Variants in TMEM120B observed in about 807,000 individuals in gnomAD.
TMEM120B encodes the protein transmembrane protein 120B.
A neutral mutation model predicts 55.5 loss-of-function variants in TMEM120B; 31 were observed. That is an observed-to-expected ratio of 0.56 (90% CI 0.42 to 0.75). The LOEUF is 0.75. TMEM120B is among the 30% of genes least tolerant of loss of function. TMEM120B has a pLI of 0.00. For missense variants in TMEM120B, 399 were observed against 425.5 expected, an observed-to-expected ratio of 0.94 and a Z score of 0.55; for synonymous variants, 203 against 176.3, an observed-to-expected ratio of 1.15 and a Z score of -1.20.
intron 2 of TMEM120B, among the ~76,000 whole-genome samples, chr12:121,746,377 G>T (rs982348631): frequency 1.3e-5 from 2 of 152,026 alleles, no homozygotes; most frequent in Non-Finnish European, 2.9e-5. Context: ...AGTAGAGACG[G>T]GGTTTCTCCA....
chr12:121,726,907 C>CAAAAAAAA lies in TMEM120B; in HGVS notation c.69+13965_69+13972dup, dbSNP rs71305665. On this transcript the variant is annotated intron_variant, in intron 1 of 11. Transcript: ENST00000449592. Reference sequence around the variant, plus strand: ...TGGGCAACAGAGTGGGACTCTGTCTCAAAAAAAAAAAAAAAAAAAAAAAAA... The same window carrying CAAAAAAAA: ...TGGGCAACAGAGTGGGACTCTGTCTCAAAAAAAAAAAAAAAAAAAAAAAAAAAAAAAAA... Among the ~76,000 whole-genome samples the CAAAAAAAA allele has an allele frequency of 2.9e-3, 214 of 73,690 alleles. 11 individuals carry two copies. The highest frequency in any genetic ancestry group is 9.1e-3 in the East Asian group (23 of 2,532). The allele number at this position is 73,690 out of a possible 152,430, so 48.3% of individuals were successfully genotyped here. A position where few individuals can be genotyped will look rare whatever the true frequency, so the allele number is the denominator to read the frequency against.
intron 4 of TMEM120B, among the ~76,000 whole-genome samples, chr12:121,750,847 ACC>A (rs1873271933): frequency 1.2e-5 from 1 of 85,336 alleles, no homozygotes; most frequent in Non-Finnish European, 2.3e-5. Flanking sequence ...CACACTCCAC[ACC>A]CCATACCCAC....
At chr12:121,771,402 C>T (rs1874048463) in intron 7 of TMEM120B, 86 bp from the exon 8 acceptor site, 1 of 1,223,480 alleles carries the variant, frequency 8.2e-7, no homozygotes. Context: ...CTTTTCGCCT[C>T]TTCTGGTTGG....
In TMEM120B at chr12:121,770,888, G is replaced by A. The variant is rs566919388; in HGVS notation, c.552-19G>A. The stretch of plus-strand genomic sequence containing the variant: ...TGCTCTCCCCTCCTGAGCACTTTCC[G>A]TTCTCTCCCTCTCCCGAGAATTAAA... On this transcript the variant is annotated intron_variant, in intron 6 of 11. Coordinates refer to ENST00000449592, the MANE Select transcript of TMEM120B (RefSeq NM_001080825.2). 4.6e-5 allele frequency: 75 copies of A among 1,613,554 alleles called. No homozygotes were observed. Among genetic ancestry groups the A allele is most frequent in the Admixed American group, 1.3e-4 (8 of 59,976 alleles).
chr12:121,753,707 A>T (rs534273449), intron 5 of TMEM120B, among the ~76,000 whole-genome samples: 103 of 123,348 alleles, frequency 8.4e-4, no homozygotes, highest in African/African-American at 3.3e-3. Context: ...AATTATATTT[A>T]AAAAAAAAAA....
In TMEM120B at chr12:121,777,748, T is replaced by G. The variant is rs1163656194; in HGVS notation, c.*2026T>G. The stretch of plus-strand genomic sequence containing the variant: ...GAGCACAAGGCAATGCAGAAAGGAA[T>G]GGGTGTTGCTGTGTTCCAATAAAAC... On this transcript the variant is annotated 3_prime_UTR_variant, in exon 12 of 12. Coordinates refer to ENST00000449592, the MANE Select transcript of TMEM120B (RefSeq NM_001080825.2). 2 of 152,200 alleles carry G rather than the reference T, an allele frequency of 1.3e-5. No homozygotes were observed. The highest frequency in any genetic ancestry group is 2.1e-4 in the South Asian group (1 of 4,832). The allele number at this position is 152,200 out of a possible 1,614,324, so 9.4% of individuals were successfully genotyped here. A position where few individuals can be genotyped will look rare whatever the true frequency, so the allele number is the denominator to read the frequency against.
chr12:121,763,854 C>T (rs1320376310), intron 6 of TMEM120B, among the ~76,000 whole-genome samples: 4 of 152,210 alleles, frequency 2.6e-5, no homozygotes, highest in Non-Finnish European at 5.9e-5. Context: ...CAGCCCCCAC[C>T]GCCTAATGTG....
intron 2 of TMEM120B, 96 bp from the exon 3 acceptor site, chr12:121,748,230 C>G (rs1873160266): frequency 1.3e-6 from 1 of 774,994 alleles, no homozygotes; most frequent in Non-Finnish European, 2.2e-6. Flanking sequence ...GTAGGAGGCA[C>G]TGGGGTAGAA....
chr12:121,742,070 T>G (rs546251078), intron 1 of TMEM120B, among the ~76,000 whole-genome samples: 2 of 151,930 alleles, frequency 1.3e-5, no homozygotes, highest in Admixed American at 6.6e-5. Flanking sequence ...TGGCACGATC[T>G]CAGCTCACTG....
In TMEM120B at chr12:121,776,267, C is replaced by T. The variant is rs370721431; in HGVS notation, c.*545C>T. ...TCTCAGAGACCCACCGCGTCTGCCT[C>T]GTGCTCTTCTTGCCCCTGGAGCGCT... is the stretch of plus-strand genomic sequence containing the variant. On this transcript the variant is annotated 3_prime_UTR_variant, in exon 12 of 12. Coordinates refer to ENST00000449592, the MANE Select transcript of TMEM120B (RefSeq NM_001080825.2). 1.7e-3 allele frequency: 309 copies of T among 179,932 alleles called. 4 individuals carry two copies. Among genetic ancestry groups the T allele is most frequent in the African/African-American group, 6.9e-3 (286 of 41,152 alleles). The allele number at this position is 179,932 out of a possible 1,614,324, so 11.1% of individuals were successfully genotyped here. A position where few individuals can be genotyped will look rare whatever the true frequency, so the allele number is the denominator to read the frequency against.
chr12:121,781,240 GGACTCT>G lies in TMEM120B; in HGVS notation c.*5522_*5527del, dbSNP rs746310160. 2 of 1,544,864 alleles carry G rather than the reference GGACTCT, an allele frequency of 1.3e-6. No homozygotes were observed. Among genetic ancestry groups the G allele is most frequent in the Non-Finnish European group, 8.9e-7 (1 of 1,120,128 alleles). On this transcript the variant is annotated 3_prime_UTR_variant, in exon 12 of 12. Transcript: ENST00000449592. ...GTCAGGGGACGTCCCCTCCCTGTCT[GGACTCT>G]GACGGGTGAAGGGGAAGGGGCCAGG... is the stretch of plus-strand genomic sequence containing the variant.
At position 121,758,247 on chromosome 12, in the gene TMEM120B, C is replaced by T. The variant is rs529019465; in HGVS notation, c.462-3402C>T. 5.5e-5 allele frequency: 54 copies of T among 985,484 alleles called. No homozygotes were observed. In the African/African-American group the frequency reaches 9.1e-4, roughly 17 times the overall value. 61.0% of individuals were successfully genotyped at this position (985,484 alleles called of 1,614,324 possible). A position where few individuals can be genotyped will look rare whatever the true frequency, so the allele number is the denominator to read the frequency against. ...TGGGGATGCTCACATGGTGGGTCGG[C>T]CTCTCCACTTCACAGATTGCAGGGC... is the stretch of plus-strand genomic sequence containing the variant. On this transcript the variant is annotated intron_variant, in intron 5 of 11. Coordinates refer to ENST00000449592, the MANE Select transcript of TMEM120B (RefSeq NM_001080825.2).
intron 1 of TMEM120B, among the ~76,000 whole-genome samples, chr12:121,735,998 A>G (rs35446368): frequency 0.011 from 1,738 of 152,046 alleles, 14 homozygotes; most frequent in Non-Finnish European, 0.018. Flanking sequence ...GATTTTAAAC[A>G]ATAATCTATA....
chr12:121,763,379 G>A (rs1873744468), intron 6 of TMEM120B, among the ~76,000 whole-genome samples: 1 of 151,908 alleles, frequency 6.6e-6, no homozygotes, highest in Admixed American at 6.6e-5. Flanking sequence ...AGCCAGGATG[G>A]TCTCGATCTC....
intron 3 of TMEM120B, among the ~76,000 whole-genome samples, 195 bp downstream of exon 3, chr12:121,748,637 C>G (rs1224216954): frequency 1.3e-5 from 2 of 152,088 alleles, no homozygotes; most frequent in Non-Finnish European, 2.9e-5. Context: ...CACCGTGTGA[C>G]AGCAGCATTC....
chr12:121,773,865 G>A (rs930548348), intron 9 of TMEM120B, among the ~76,000 whole-genome samples: 4 of 151,664 alleles, frequency 2.6e-5, no homozygotes, highest in African/African-American at 9.7e-5. Flanking sequence ...GCCTCACTCT[G>A]AAGCCATAGG....
chr12:121,756,051 G>C (rs1031458868), intron 5 of TMEM120B, among the ~76,000 whole-genome samples: 1 of 152,140 alleles, frequency 6.6e-6, no homozygotes, highest in Non-Finnish European at 1.5e-5. Flanking sequence ...AATCCAGAGC[G>C]ATCATCTATG....
intron 1 of TMEM120B, among the ~76,000 whole-genome samples, chr12:121,738,087 C>G (rs1397614398): frequency 2.0e-5 from 3 of 150,884 alleles, no homozygotes; most frequent in African/African-American, 7.3e-5. Flanking sequence ...ATCTACTCTA[C>G]TAAAAATATA....
intron 1 of TMEM120B, among the ~76,000 whole-genome samples, chr12:121,721,970 A>G (rs538378332): frequency 7.0e-6 from 1 of 142,850 alleles, no homozygotes; most frequent in African/African-American, 2.6e-5. Context: ...CACCATGCCC[A>G]GCTAATTTTT....
Sources: allele counts gnomAD v4.1 joint callset (sites outside exome capture counted in the v4.1 genomes callset), GRCh38; gene constraint gnomAD v4.1.1; transcripts MANE v1.5; gene names NCBI Gene and HGNC (gene_info 2026-07-23, HGNC 2026-07-21).